PPP4R2: variants seen among roughly 807,000 people sequenced by gnomAD.
PPP4R2 encodes the protein protein phosphatase 4 regulatory subunit 2.
PPP4R2 carries 13 observed loss-of-function variants against 47.2 expected under a neutral mutation model. The observed-to-expected ratio is 0.28, with a 90% CI of 0.18 to 0.44. PPP4R2 has a LOEUF of 0.44. Ranked by LOEUF, PPP4R2 falls within the 20% of genes least tolerant of loss-of-function variation. The pLI is 1.00. For synonymous variants in PPP4R2, 151 were observed against 163.3 expected, an observed-to-expected ratio of 0.92 and a Z score of 0.57; for missense variants, 421 against 491.2, an observed-to-expected ratio of 0.86 and a Z score of 1.35.
At chr3:73,055,759 C>T (rs1376045553) in intron 3 of PPP4R2, among the ~76,000 whole-genome samples, 2 of 151,736 alleles carry the variant, frequency 1.3e-5, no homozygotes, top group Non-Finnish European at 2.9e-5. Flanking sequence ...ACCTCCACCG[C>T]CCAGGTTCAA....
At chr3:73,007,622 G>A (rs1701638707) in intron 2 of PPP4R2, among the ~76,000 whole-genome samples, 1 of 151,932 alleles carries the variant, frequency 6.6e-6, no homozygotes, top group South Asian at 2.1e-4. Flanking sequence ...CCAAGTAGCT[G>A]GAACTACAGG....
rs571873779 is a variant in PPP4R2 at position 73,002,165 on chromosome 3, C to G, written c.116+4007C>G. ...GCCTATAGTTCCATCCATGTTGTTGCAAATGACAGGATCTAATTCTTTTTT... is the reference window on the plus strand; with the variant it reads ...GCCTATAGTTCCATCCATGTTGTTGGAAATGACAGGATCTAATTCTTTTTT... On this transcript the variant is annotated intron_variant, in intron 2 of 8. Coordinates refer to ENST00000356692, the MANE Select transcript of PPP4R2 (RefSeq NM_174907.4). Among the ~76,000 whole-genome samples the G allele has an allele frequency of 6.5e-4, 99 of 152,308 alleles. No homozygotes were observed. The South Asian group carries it at 0.02, about 31-fold the overall frequency.
intron 3 of PPP4R2, among the ~76,000 whole-genome samples, chr3:73,051,776 C>T (rs1373234743): frequency 1.3e-5 from 2 of 152,132 alleles, no homozygotes; most frequent in African/African-American, 4.8e-5. Context: ...CAGGCACCCG[C>T]CACCACGCCC....
At chr3:73,060,568 T>C (rs1383326417) in intron 4 of PPP4R2, among the ~76,000 whole-genome samples, 1 of 146,752 alleles carries the variant, frequency 6.8e-6, no homozygotes, top group Non-Finnish European at 1.5e-5. Context: ...ACTGGGAAGA[T>C]CATAAATATA....
chr3:73,058,938 A>G (rs1034125651), intron 3 of PPP4R2, 99 bp from the exon 4 acceptor site: 9 of 683,188 alleles, frequency 1.3e-5, no homozygotes, highest in East Asian at 8.7e-5. Flanking sequence ...AGCTTAATAC[A>G]TGGGTGACTA....
At chr3:73,011,981 C>T (rs1701734184) in intron 2 of PPP4R2, among the ~76,000 whole-genome samples, 1 of 152,084 alleles carries the variant, frequency 6.6e-6, no homozygotes, top group African/African-American at 2.4e-5. Flanking sequence ...AATTTTTGCA[C>T]TATTGTGTAT....
chr3:73,006,190 ATT>A (rs71624000), intron 2 of PPP4R2, among the ~76,000 whole-genome samples: 2 of 124,176 alleles, frequency 1.6e-5, no homozygotes, highest in African/African-American at 6.3e-5. Flanking sequence ...ATATGCCACA[ATT>A]TTTTTTTTTT....
At chr3:73,065,296 G>A in intron 8 of PPP4R2, 101 bp from the exon 9 acceptor site, 3 of 1,333,788 alleles carry the variant, frequency 2.2e-6, no homozygotes, top group Non-Finnish European at 1.0e-6. Flanking sequence ...TGAATTTCAG[G>A]GGATGTGATT....
chr3:73,049,048 A>G (rs1702553645), intron 3 of PPP4R2, among the ~76,000 whole-genome samples: 1 of 152,218 alleles, frequency 6.6e-6, no homozygotes, highest in Non-Finnish European at 1.5e-5. Context: ...TTATTTAACC[A>G]ATATGTGTAT....
At chr3:73,033,674 A>C (rs985529429) in intron 2 of PPP4R2, among the ~76,000 whole-genome samples, 3 of 152,202 alleles carry the variant, frequency 2.0e-5, no homozygotes, top group Non-Finnish European at 4.4e-5. Flanking sequence ...TTCTGTACCC[A>C]TTAAACAATA....
rs184874694 is a variant in PPP4R2, at chr3:72,997,928, A to G, written c.35-149A>G. The stretch of plus-strand genomic sequence containing the variant: ...GTGACATGTTGGAAGTAGAACTTGG[A>G]GGATTGAGGTGGTAATTTGGTTGAG... On this transcript the variant is annotated intron_variant, in intron 1 of 8. Transcript: ENST00000356692. The G allele has an allele frequency of 9.2e-6, 6 of 650,606 alleles. No homozygotes were observed. In the East Asian group the frequency reaches 1.4e-4, roughly 16 times the overall value. 40.3% of individuals were successfully genotyped at this position (650,606 alleles called of 1,614,324 possible). A position where few individuals can be genotyped will look rare whatever the true frequency, so the allele number is the denominator to read the frequency against.
chr3:73,058,879 T>C (rs1702785687), intron 3 of PPP4R2, among the ~76,000 whole-genome samples, 158 bp from the exon 4 acceptor site: 1 of 151,902 alleles, frequency 6.6e-6, no homozygotes, highest in South Asian at 2.1e-4. Flanking sequence ...TATTGTCTTT[T>C]TTTAAATGAC....
rs1702935343 is a variant in PPP4R2, at chr3:73,064,208, A to G, written c.638+62A>G. ...TAAAAGTTAAAGTTAACATTTAATCAGTACTTATCACTTACTATTTATAAG... is the reference window on the plus strand; with the variant it reads ...TAAAAGTTAAAGTTAACATTTAATCGGTACTTATCACTTACTATTTATAAG... On this transcript the variant is annotated intron_variant, in intron 7 of 8. Coordinates refer to ENST00000356692, the MANE Select transcript of PPP4R2 (RefSeq NM_174907.4). The G allele has an allele frequency of 2.0e-5, 27 of 1,371,964 alleles. No individual in the cohort carries two copies. In the South Asian group the frequency reaches 3.4e-4, roughly 17 times the overall value. 85.0% of individuals were successfully genotyped at this position (1,371,964 alleles called of 1,614,324 possible).
chr3:73,022,007 C>T (rs1701971176), intron 2 of PPP4R2, among the ~76,000 whole-genome samples: 1 of 151,578 alleles, frequency 6.6e-6, no homozygotes, highest in Non-Finnish European at 1.5e-5. Flanking sequence ...AGTGATTCTC[C>T]TGCCTTAGGT....
intron 5 of PPP4R2, chr3:73,062,063 C>G: frequency 6.7e-7 from 1 of 1,495,654 alleles, no homozygotes; most frequent in Non-Finnish European, 9.0e-7. Flanking sequence ...AGTGCAGAGT[C>G]AAGTCATAGC....
At chr3:73,060,560 T>C (rs1702832832) in intron 4 of PPP4R2, among the ~76,000 whole-genome samples, 1 of 150,876 alleles carries the variant, frequency 6.6e-6, no homozygotes, top group South Asian at 2.1e-4. Flanking sequence ...TTATTTTTAC[T>C]GGGAAGATCA....
chr3:73,062,511 G>GGT (rs1221427545), intron 5 of PPP4R2: 3 of 1,613,670 alleles, frequency 1.9e-6, no homozygotes, highest in Non-Finnish European at 2.5e-6. Flanking sequence ...ACTGAGTGTT[G>GGT]GTGTGAGCAA....
intron 5 of PPP4R2, 67 bp from the exon 6 acceptor site, chr3:73,063,606 G>A (rs1207092748): frequency 1.3e-5 from 12 of 890,348 alleles, no homozygotes; most frequent in Non-Finnish European, 2.2e-5. Context: ...TCCACCTTGG[G>A]TGACAGAGCC....
At chr3:73,060,795 A>G (rs934638997) in intron 4 of PPP4R2, among the ~76,000 whole-genome samples, 5 of 152,044 alleles carry the variant, frequency 3.3e-5, no homozygotes, top group Non-Finnish European at 7.4e-5. Context: ...AAAAATAAGT[A>G]TAGGAAAAAA....
Sources: gnomAD v4.1 joint callset for allele counts (sites outside exome capture counted in the v4.1 genomes callset) on GRCh38, gnomAD v4.1.1 for gene constraint, MANE v1.5 for transcripts, NCBI Gene and HGNC (gene_info 2026-07-23, HGNC 2026-07-21) for gene names.